SEPTIN9: variants seen among roughly 807,000 people sequenced by gnomAD.
SEPTIN9 encodes the protein septin 9.
SEPTIN9 carries 13 observed loss-of-function variants against 56.6 expected under a neutral mutation model. That is an observed-to-expected ratio of 0.23 (90% CI 0.15 to 0.37). The LOEUF is 0.37. Among genes scored for constraint, SEPTIN9 ranks in the 10% least tolerant of loss-of-function variants. SEPTIN9 has a pLI of 1.00. For synonymous variants in SEPTIN9, 332 were observed against 334.1 expected (o/e 0.99, Z 0.07); for missense variants, 650 against 823.1 (o/e 0.79, Z 2.57).
intron 3 of SEPTIN9, chr17:77,428,906 G>C (rs1296988331): frequency 2.4e-6 from 1 of 422,594 alleles, no homozygotes; most frequent in Admixed American, 2.6e-5. Flanking sequence ...ATGTAAATTG[G>C]GGACAAATTT....
chr17:77,320,366 T>G, intron 2 of SEPTIN9: 1 of 1,608,186 alleles, frequency 6.2e-7, no homozygotes, highest in Non-Finnish European at 8.5e-7. Context: ...GACAGCCCCC[T>G]CCCCATCGGC....
intron 3 of SEPTIN9, among the ~76,000 whole-genome samples, chr17:77,439,435 C>T (rs1054530800): frequency 3.3e-5 from 5 of 152,132 alleles, no homozygotes; most frequent in African/African-American, 1.2e-4. Flanking sequence ...ATGGAAGTAC[C>T]CCTAGTCTGG....
chr17:77,411,638 G>A (rs2036306075), intron 3 of SEPTIN9, among the ~76,000 whole-genome samples: 5 of 151,670 alleles, frequency 3.3e-5, no homozygotes, highest in African/African-American at 1.2e-4. Flanking sequence ...CTGACCTTGA[G>A]ATCCGCCCAC....
At chr17:77,344,793 G>A (rs978114726) in intron 2 of SEPTIN9, among the ~76,000 whole-genome samples, 1 of 152,146 alleles carries the variant, frequency 6.6e-6, no homozygotes, top group South Asian at 2.1e-4. Flanking sequence ...CCAGCATGGC[G>A]AAACCCTGTC....
intron 2 of SEPTIN9, chr17:77,375,899 T>G: frequency 6.1e-6 from 1 of 162,914 alleles, no homozygotes; most frequent in Non-Finnish European, 1.3e-5. Flanking sequence ...GCCTGGAGTA[T>G]AGTTGGAGGG....
At chr17:77,407,753 A>G (rs915924092) in intron 3 of SEPTIN9, among the ~76,000 whole-genome samples, 1 of 152,174 alleles carries the variant, frequency 6.6e-6, no homozygotes, top group African/African-American at 2.4e-5. Context: ...CTGCCCCTGG[A>G]CTTGGCACCC....
intron 8 of SEPTIN9, among the ~76,000 whole-genome samples, chr17:77,491,293 T>C (rs2040015355): frequency 6.6e-6 from 1 of 151,984 alleles, no homozygotes; most frequent in Admixed American, 6.5e-5. Context: ...CATGGCTCAC[T>C]GCAGCCTCCA....
rs574554301 is a variant in SEPTIN9, at chr17:77,396,335, G to A, written c.77-5724G>A. Among the ~76,000 whole-genome samples the A allele has an allele frequency of 8.5e-5, 13 of 152,318 alleles. No individual in the cohort carries two copies. The South Asian group carries it at 1.7e-3, about 19-fold the overall frequency. On this transcript the variant is annotated intron_variant, in intron 2 of 11. Coordinates refer to ENST00000427177, the MANE Select transcript of SEPTIN9 (RefSeq NM_001113491.2). The stretch of plus-strand genomic sequence containing the variant: ...GCTGTCCGGTGCTCCTCCCTGCTGC[G>A]TGGGTCCTTTGAATCTGCCCAGTTG...
chr17:77,364,101 C>T (rs751437577), intron 2 of SEPTIN9, among the ~76,000 whole-genome samples: 7 of 152,174 alleles, frequency 4.6e-5, no homozygotes, highest in Non-Finnish European at 7.3e-5. Flanking sequence ...ATCTGGCTGC[C>T]GGCTGGCTTC....
Position 77,356,143 on chromosome 17 carries a change from C to G in SEPTIN9, c.77-45916C>G, listed in dbSNP as rs117068120. 9.2e-5 allele frequency among the ~76,000 whole-genome samples: 14 copies of G among 152,210 alleles called. 1 individual carries two copies. In the East Asian group the frequency reaches 2.5e-3, roughly 27 times the overall value. ...TCTCAGGTGACCAATCACAGAGACT[C>G]AGGGAAAGTCACGTTTGGAAGAGGC... On this transcript the variant is annotated intron_variant, in intron 2 of 11. Transcript: ENST00000427177.
At chr17:77,325,099 G>A (rs146018948) in intron 2 of SEPTIN9, among the ~76,000 whole-genome samples, 34 of 152,232 alleles carry the variant, frequency 2.2e-4, no homozygotes, top group Admixed American at 1.0e-3. Flanking sequence ...AGTTACAGGC[G>A]TGAGTCACCG....
intron 10 of SEPTIN9, 56 bp from the exon 11 acceptor site, chr17:77,497,259 G>T (rs138753740): frequency 6.5e-7 from 1 of 1,541,730 alleles, no homozygotes; most frequent in Non-Finnish European, 8.9e-7. Flanking sequence ...GAGAGGTGGG[G>T]TCCGGGCAGA....
chr17:77,421,019 C>T lies in SEPTIN9; in HGVS notation c.721+18316C>T, dbSNP rs568896499. Among the ~76,000 whole-genome samples the T allele has an allele frequency of 4.6e-5, 7 of 152,208 alleles. No homozygotes were observed. Among genetic ancestry groups the T allele is most frequent in the Non-Finnish European group, 7.3e-5 (5 of 68,036 alleles). On this transcript the variant is annotated intron_variant, in intron 3 of 11. Transcript: ENST00000427177. The surrounding 1 kb of genome is among the most constrained non-coding windows in gnomAD (Gnocchi z 4.6). ...GGATTTGAACCCTGGAGCAGCCTGG[C>T]TGCTGAGCTGTCCTGGAGACGGGGT...
intron 2 of SEPTIN9, among the ~76,000 whole-genome samples, chr17:77,340,687 G>A (rs1202898232): frequency 1.3e-5 from 2 of 152,176 alleles, no homozygotes; most frequent in African/African-American, 4.8e-5. Context: ...CTCTAGCTAT[G>A]AAAATCCTAG....
rs756282280 is a variant in SEPTIN9, at chr17:77,492,943, G to A, written c.1477-37G>A. The A allele has an allele frequency of 8.5e-6, 13 of 1,533,970 alleles. No individual in the cohort carries two copies. The highest frequency in any genetic ancestry group is 5.9e-5 in the Admixed American group (3 of 51,276). ...GCCCAGGGGAGGGAATTGCCTTCCC[G>A]CACATGTGTAACCAATACCGTCTGC... is the stretch of plus-strand genomic sequence containing the variant. On this transcript the variant is annotated intron_variant, in intron 9 of 11. Coordinates refer to ENST00000427177, the MANE Select transcript of SEPTIN9 (RefSeq NM_001113491.2). The surrounding 1 kb of genome is among the most constrained non-coding windows in gnomAD (Gnocchi z 5.4).
intron 1 of SEPTIN9, among the ~76,000 whole-genome samples, chr17:77,293,119 C>G (rs555968238): frequency 6.6e-6 from 1 of 152,022 alleles, no homozygotes; most frequent in South Asian, 2.1e-4. Context: ...TGAGCTCAAG[C>G]GATCCTCCCT....
At chr17:77,386,075 C>T (rs909549573) in intron 2 of SEPTIN9, among the ~76,000 whole-genome samples, 6 of 152,152 alleles carry the variant, frequency 3.9e-5, no homozygotes, top group African/African-American at 7.2e-5. Flanking sequence ...GTGTAGATGG[C>T]GCTTGTGACT....
chr17:77,417,002 A>G (rs2036530041), intron 3 of SEPTIN9, among the ~76,000 whole-genome samples: 1 of 152,214 alleles, frequency 6.6e-6, no homozygotes, highest in Non-Finnish European at 1.5e-5. Flanking sequence ...GAGGAGTTAC[A>G]AGATGCCTTT....
rs747493757 is a variant in SEPTIN9, at chr17:77,421,905, A to G, written c.721+19202A>G. ...TCTCTGTCGCCCAGGCTGGAGTTCA[A>G]TGGCCCAATGTCCCGCTCACTGTGA... On this transcript the variant is annotated intron_variant, in intron 3 of 11. Transcript: ENST00000427177. This position sits in a 1 kb window ranked among gnomAD's most constrained non-coding sequence, Gnocchi z 4.6. 5.9e-5 allele frequency among the ~76,000 whole-genome samples: 9 copies of G among 151,798 alleles called. No homozygotes were observed. Among genetic ancestry groups the G allele is most frequent in the East Asian group, 3.9e-4 (2 of 5,146 alleles).
Sources: allele counts gnomAD v4.1 joint callset (sites outside exome capture counted in the v4.1 genomes callset), GRCh38; gene constraint gnomAD v4.1.1; non-coding constraint Gnocchi (gnomAD v3.1); transcripts MANE v1.5; gene names NCBI Gene and HGNC (gene_info 2026-07-23, HGNC 2026-07-21).